The following ALDH5A1 variants were observed in gnomAD, a reference collection of about 807,000 sequenced individuals.
The protein encoded by ALDH5A1 is succinate-semialdehyde dehydrogenase, mitochondrial.
ALDH5A1 carries 33 observed loss-of-function variants against 54.7 expected under a neutral mutation model. The ratio of observed to expected loss-of-function variants is 0.60; its 90% CI spans 0.46 to 0.81. The LOEUF (loss-of-function observed/expected upper bound fraction) is 0.81, where lower values mean the gene tolerates loss of function less well. Among genes scored for constraint, ALDH5A1 ranks in the 30% least tolerant of loss-of-function variants. ALDH5A1 has a pLI of 0.00. For missense variants in ALDH5A1, 657 were observed against 711.0 expected (o/e 0.92, Z 0.86); for synonymous variants, 294 against 292.7 (o/e 1.00, Z -0.05).
chr6:24,510,472 A>T (rs1195410611), intron 4 of ALDH5A1, among the ~76,000 whole-genome samples: 1 of 152,152 alleles, frequency 6.6e-6, no homozygotes, highest in Non-Finnish European at 1.5e-5. Context: ...CATTTTAGAA[A>T]TTTGGGAGCT....
rs147709324 is a variant in ALDH5A1, at chr6:24,524,484, C to T, written c.1173+1559C>T. On this transcript the variant is annotated intron_variant, in intron 7 of 9. Transcript: ENST00000357578. Reference sequence around the variant, plus strand: ...GGGAAGCACAGCCCCACCGCTGTTCCTCAACCTCCTCAGAGCCTGAGAACC... The same window carrying T: ...GGGAAGCACAGCCCCACCGCTGTTCTTCAACCTCCTCAGAGCCTGAGAACC... Among the ~76,000 whole-genome samples, 1,001 of 152,218 alleles carry T rather than the reference C, an allele frequency of 6.6e-3. 18 individuals are homozygous for T. Among genetic ancestry groups the T allele is most frequent in the African/African-American group, 0.021 (890 of 41,512 alleles).
At chr6:24,522,155 T>C (rs1759696485) in intron 6 of ALDH5A1, among the ~76,000 whole-genome samples, 1 of 151,958 alleles carries the variant, frequency 6.6e-6, no homozygotes, top group Non-Finnish European at 1.5e-5. Context: ...CAAAAAAAAT[T>C]AAAAATTAGC....
At chr6:24,524,827 C>T (rs1759771080) in intron 7 of ALDH5A1, among the ~76,000 whole-genome samples, 2 of 152,150 alleles carry the variant, frequency 1.3e-5, no homozygotes, top group Non-Finnish European at 2.9e-5. Flanking sequence ...CCTTTATCGA[C>T]TACAGTTGCC....
chr6:24,527,428 C>T (rs1301000887), intron 7 of ALDH5A1, among the ~76,000 whole-genome samples: 9 of 152,086 alleles, frequency 5.9e-5, no homozygotes, highest in East Asian at 1.9e-4. Flanking sequence ...AAAAATTAGC[C>T]GGGCGCGGTG....
chr6:24,515,102 C>CTTTTTTTTTTTTTTTTTTTCTTTTTTTT, intron 4 of ALDH5A1, 65 bp from the exon 5 acceptor site: 1 of 927,260 alleles, frequency 1.1e-6, no homozygotes. Flanking sequence ...TTTCTCTTTT[C>CTTTTTTTTTTTTTTTTTTTCTTTTTTTT]TTTTTTTTTT....
rs1283096489 is a variant in ALDH5A1, at chr6:24,528,108, A to T, written c.1285A>T (p.Thr429Ser). Residue 429 changes from threonine to serine, a missense_variant, in exon 8 of 10, where the codon ACC becomes TCC. Thr to Ser is a moderately conservative substitution (Grantham distance 58, BLOSUM62 1). This residue lies in a region of ALDH5A1 where 425 missense variants were observed against 516.4 expected (regional missense o/e 0.82). Coordinates refer to ENST00000357578, the MANE Select transcript of ALDH5A1 (RefSeq NM_001080.3). ...TGAGCCTACCCTGCTGTGCAATGTC[A>T]CCCAGGACATGCTGTGCACTCATGA... ...FFEPTLLCNV[T>S]QDMLCTHEET... 14 of 1,613,940 alleles carry T rather than the reference A, an allele frequency of 8.7e-6. No homozygotes were observed. The African/African-American group carries it at 1.9e-4, about 22-fold the overall frequency.
At chr6:24,498,531 C>T (rs776717484) in intron 1 of ALDH5A1, among the ~76,000 whole-genome samples, 1 of 152,310 alleles carries the variant, frequency 6.6e-6, no homozygotes, top group East Asian at 1.9e-4. Context: ...GTGTTGGGAC[C>T]TCTTGCTGAC....
At chr6:24,519,682 G>A (rs571032185) in intron 5 of ALDH5A1, among the ~76,000 whole-genome samples, 3 of 151,704 alleles carry the variant, frequency 2.0e-5, no homozygotes, top group South Asian at 2.1e-4. Context: ...TAAGATAGAC[G>A]TCCCAAATAT....
intron 1 of ALDH5A1, among the ~76,000 whole-genome samples, 187 bp from the exon 2 acceptor site, chr6:24,502,336 G>A (rs564047359): frequency 6.6e-6 from 1 of 152,194 alleles, no homozygotes; most frequent in African/African-American, 2.4e-5. Context: ...AACACTCACG[G>A]ACATACCCAG....
At position 24,534,239 on chromosome 6, in the gene ALDH5A1, C is replaced by T. The variant is rs949673865; in HGVS notation, c.*527C>T. The T allele has an allele frequency of 6.1e-6, 1 of 163,422 alleles. No individual in the cohort carries two copies. Among genetic ancestry groups the T allele is most frequent in the Admixed American group, 5.6e-5 (1 of 17,832 alleles). 10.1% of individuals were successfully genotyped at this position (163,422 alleles called of 1,614,324 possible). A position where few individuals can be genotyped will look rare whatever the true frequency, so the allele number is the denominator to read the frequency against. ...TGTTGCGGCAGAGGTTTGAGTGAACCCTCTTTCAAAGACAATAAATAGCAC... is the reference window on the plus strand; with the variant it reads ...TGTTGCGGCAGAGGTTTGAGTGAACTCTCTTTCAAAGACAATAAATAGCAC... On this transcript the variant is annotated 3_prime_UTR_variant, in exon 10 of 10. Transcript: ENST00000357578.
intron 8 of ALDH5A1, among the ~76,000 whole-genome samples, chr6:24,529,670 G>GTTTTTTTTTTT (rs55878931): frequency 3.5e-5 from 3 of 86,328 alleles, no homozygotes; most frequent in Non-Finnish European, 6.4e-5. Flanking sequence ...TTTGGTTTGG[G>GTTTTTTTTTTT]TTTTTTTTTT....
chr6:24,500,312 A>G (rs1045529051), intron 1 of ALDH5A1, among the ~76,000 whole-genome samples: 1 of 152,120 alleles, frequency 6.6e-6, no homozygotes, highest in Non-Finnish European at 1.5e-5. Context: ...TGCCTCATGC[A>G]TGCCCCAGTC....
At chr6:24,520,931 A>G (rs1200946997) in intron 6 of ALDH5A1, among the ~76,000 whole-genome samples, 1 of 152,130 alleles carries the variant, frequency 6.6e-6, no homozygotes, top group African/African-American at 2.4e-5. Context: ...GGTTATTTTT[A>G]TAGTTTTCTT....
At position 24,502,504 on chromosome 6, in the gene ALDH5A1, C is replaced by G; in HGVS notation, c.355-19C>G. 1 of 1,572,962 alleles carries G rather than the reference C, an allele frequency of 6.4e-7. No individual in the cohort carries two copies. The highest frequency in any genetic ancestry group is 1.3e-5 in the African/African-American group (1 of 74,082). Reference sequence around the variant, plus strand: ...ACTTGGCATTTTATTACTTTTCTGCCTTGTTATTTCTTTTGCAGGAGAGGA... The same window carrying G: ...ACTTGGCATTTTATTACTTTTCTGCGTTGTTATTTCTTTTGCAGGAGAGGA... On this transcript the variant is annotated intron_variant, in intron 1 of 9. Transcript: ENST00000357578.
At chr6:24,512,373 G>A (rs921199562) in intron 4 of ALDH5A1, among the ~76,000 whole-genome samples, 1 of 152,214 alleles carries the variant, frequency 6.6e-6, no homozygotes, top group Non-Finnish European at 1.5e-5. Flanking sequence ...CCGAGTGGGA[G>A]CTGCAATCTA....
chr6:24,516,764 A>C (rs1032671260), intron 5 of ALDH5A1, among the ~76,000 whole-genome samples: 1 of 149,736 alleles, frequency 6.7e-6, no homozygotes, highest in South Asian at 2.1e-4. Context: ...TGTCTCTACA[A>C]AAAAAAAAAT....
At chr6:24,522,719 C>G (rs201965744) in intron 6 of ALDH5A1, 48 bp from the exon 7 acceptor site, 2 of 1,608,998 alleles carry the variant, frequency 1.2e-6, no homozygotes, top group Admixed American at 3.3e-5. Flanking sequence ...CTGGTCAGGT[C>G]TGCAGCTTCT....
chr6:24,523,316 T>TA (rs1759739611), intron 7 of ALDH5A1, among the ~76,000 whole-genome samples: 1 of 131,566 alleles, frequency 7.6e-6, no homozygotes, highest in Non-Finnish European at 1.7e-5. Flanking sequence ...TTAAAATAAG[T>TA]AAAAAATTAA....
At chr6:24,496,855 C>T (rs1160904873) in intron 1 of ALDH5A1, among the ~76,000 whole-genome samples, 2 of 152,102 alleles carry the variant, frequency 1.3e-5, no homozygotes, top group Non-Finnish European at 2.9e-5. Flanking sequence ...ACCCTATTTC[C>T]AAATGCACTC....
Sources: allele counts gnomAD v4.1 joint callset (sites outside exome capture counted in the v4.1 genomes callset), GRCh38; gene constraint gnomAD v4.1.1; regional missense constraint gnomAD v4.1.1; transcripts MANE v1.5; gene names NCBI Gene and HGNC (gene_info 2026-07-23, HGNC 2026-07-21).